Variants in STON1 observed in about 807,000 individuals in gnomAD.
STON1 encodes stonin-1.
In STON1, 79 loss-of-function variants were observed where a neutral mutation model predicts 60.9. The ratio of observed to expected loss-of-function variants is 1.30; its 90% CI spans 1.08 to 1.56. STON1 has a LOEUF of 1.56. Ranked by LOEUF, STON1 falls within the 40% of genes most tolerant of loss-of-function variation. The pLI is 0.00. For missense variants in STON1, 1,166 were observed against 858.9 expected, an observed-to-expected ratio of 1.36 and a Z score of -4.47; for synonymous variants, 363 against 306.9, an observed-to-expected ratio of 1.18 and a Z score of -1.91.
chr2:48,582,443 G>C lies in STON1; in HGVS notation c.1810G>C (p.Gly604Arg). The part of the protein sequence containing the change: ...KAKMNRRACL[G>R]SLQELESEPV... ...TAAAATGAACCGCCGAGCATGTCTGGGGAGTTTACAGGAACTTGAATCTGA... is the reference window on the plus strand; with the variant it reads ...TAAAATGAACCGCCGAGCATGTCTGCGGAGTTTACAGGAACTTGAATCTGA... The change falls in exon 2 of 4, where the codon GGG becomes CGG. Residue 604 changes from glycine to arginine, a missense_variant. By Grantham distance (125) the Gly-to-Arg change is moderately radical. Coordinates refer to ENST00000404752, the MANE Select transcript of STON1 (RefSeq NM_006873.4). The C allele has an allele frequency of 1.9e-6, 3 of 1,614,176 alleles. No homozygotes were observed. Among genetic ancestry groups the C allele is most frequent in the Non-Finnish European group, 2.5e-6 (3 of 1,180,026 alleles).
At chr2:48,546,726 C>G (rs1261698901) in intron 1 of STON1, among the ~76,000 whole-genome samples, 1 of 152,214 alleles carries the variant, frequency 6.6e-6, no homozygotes, top group African/African-American at 2.4e-5. Flanking sequence ...TGAATGAATG[C>G]ATGGAAGAAT....
At chr2:48,578,865 A>G (rs962801766) in intron 1 of STON1, among the ~76,000 whole-genome samples, 1 of 151,894 alleles carries the variant, frequency 6.6e-6, no homozygotes, top group Non-Finnish European at 1.5e-5. Flanking sequence ...TGCTGGGATT[A>G]TAGGCGTGAG....
intron 1 of STON1, among the ~76,000 whole-genome samples, chr2:48,537,946 A>G (rs1407602768): frequency 2.6e-5 from 4 of 151,212 alleles, no homozygotes; most frequent in African/African-American, 4.9e-5. Flanking sequence ...AATCATAAGT[A>G]TATGTCTTTC....
chr2:48,582,799 G>T (rs189387096), intron 2 of STON1, among the ~76,000 whole-genome samples: 45 of 152,308 alleles, frequency 3.0e-4, no homozygotes, highest in Non-Finnish European at 4.4e-4. Context: ...GAAATACCAT[G>T]CTAGGCTAGG....
chr2:48,558,646 C>G (rs1672483650), intron 1 of STON1, among the ~76,000 whole-genome samples: 1 of 152,222 alleles, frequency 6.6e-6, no homozygotes, highest in Middle Eastern at 3.4e-3. Context: ...CTGGCGTTAA[C>G]TGGCACATAA....
rs908277140 is a variant in STON1, at chr2:48,582,583, A to G, written c.1930+20A>G. 1 of 1,595,560 alleles carries G rather than the reference A, an allele frequency of 6.3e-7. No homozygotes were observed. Among genetic ancestry groups the G allele is most frequent in the African/African-American group, 1.3e-5 (1 of 74,202 alleles). ...ATTCAAGTAAATATTCAACACCCCA[A>G]GTTTATTTTCATGGGAAATAGCTTA... On this transcript the variant is annotated intron_variant, in intron 2 of 3. Transcript: ENST00000404752.
At chr2:48,579,749 A>G (rs1673761310) in intron 1 of STON1, among the ~76,000 whole-genome samples, 1 of 152,098 alleles carries the variant, frequency 6.6e-6, no homozygotes, top group Non-Finnish European at 1.5e-5. Flanking sequence ...ATAGTGTTCA[A>G]GTCTATTGTT....
chr2:48,591,719 A>G lies in STON1; in HGVS notation c.1997A>G (p.Asp666Gly). 6.8e-6 allele frequency: 11 copies of G among 1,614,140 alleles called. No individual in the cohort carries two copies. The highest frequency in any genetic ancestry group is 8.5e-6 in the Non-Finnish European group (10 of 1,180,018). ...GGATCAGACCAAGAAATTCCCTCTG[A>G]TTGGTATCCATTTGCTACTGTTCAG... The part of the protein sequence containing the change: ...ELGSDQEIPS[D>G]WYPFATVQFS... Residue 666 changes from aspartate (D) to glycine (G), a missense_variant, in exon 3 of 4, where the codon GAT (aspartate) becomes GGT (glycine). Physicochemically the swap from Asp to Gly is moderately conservative, Grantham distance 94. Transcript: ENST00000404752.
intron 1 of STON1, among the ~76,000 whole-genome samples, chr2:48,554,012 T>C (rs967117982): frequency 1.3e-5 from 2 of 152,108 alleles, no homozygotes; most frequent in Non-Finnish European, 2.9e-5. Context: ...CAAAGTCTGT[T>C]GGAGAGATGG....
intron 1 of STON1, among the ~76,000 whole-genome samples, chr2:48,551,550 G>A (rs1205586569): frequency 6.6e-6 from 1 of 152,220 alleles, no homozygotes; most frequent in Non-Finnish European, 1.5e-5. Context: ...GCCTGATTCT[G>A]GGGACGGGGC....
chr2:48,582,007 G>T lies in STON1; in HGVS notation c.1374G>T (p.Leu458Phe). ...VNGNLECFLT[L>F]NDLELPKRDE... ...GGAACCTGGAATGCTTTTTAACCTT[G>T]AATGACCTTGAGTTGCCGAAGCGAG... Residue 458 changes from leucine (L) to phenylalanine (F), a missense_variant, in exon 2 of 4, where the codon TTG becomes TTT. By Grantham distance (22) the Leu-to-Phe change is conservative. Transcript: ENST00000404752. 1 of 1,614,144 alleles carries T rather than the reference G, an allele frequency of 6.2e-7. No individual in the cohort carries two copies. The highest frequency in any genetic ancestry group is 1.1e-5 in the South Asian group (1 of 91,076).
At chr2:48,551,142 C>G (rs1226220798) in intron 1 of STON1, among the ~76,000 whole-genome samples, 1 of 152,102 alleles carries the variant, frequency 6.6e-6, no homozygotes, top group East Asian at 1.9e-4. Flanking sequence ...CTTCTTAAAC[C>G]TGGAATTAAC....
rs536327826 is a variant in STON1, at chr2:48,582,655, G to A, written c.1930+92G>A. On this transcript the variant is annotated intron_variant, in intron 2 of 3. Coordinates refer to ENST00000404752, the MANE Select transcript of STON1 (RefSeq NM_006873.4). ...GGGTTGAAACCAGGTAGAGACAGAT[G>A]GCAATTTGTCAGCTGAGGCTGTGCT... The A allele has an allele frequency of 3.7e-4, 558 of 1,503,932 alleles. 5 individuals carry two copies. In the South Asian group the frequency reaches 6.8e-3, roughly 18 times the overall value. 93.2% of individuals were successfully genotyped at this position (1,503,932 alleles called of 1,614,324 possible).
At chr2:48,554,841 G>T (rs1204352975) in intron 1 of STON1, among the ~76,000 whole-genome samples, 1 of 79,682 alleles carries the variant, frequency 1.3e-5, no homozygotes, top group African/African-American at 4.9e-5. Flanking sequence ...GTGAACAAAG[G>T]TCTCTGGTTT....
At chr2:48,564,480 T>TTCTTCTTCTTCCTTC (rs1558604783) in intron 1 of STON1, among the ~76,000 whole-genome samples, 2 of 32,480 alleles carry the variant, frequency 6.2e-5, no homozygotes, top group African/African-American at 2.3e-4. Context: ...CTTCTTCTTC[T>TTCTTCTTCTTCCTTC]TTCTTCTTCT....
At chr2:48,563,035 T>C (rs1672673740) in intron 1 of STON1, among the ~76,000 whole-genome samples, 1 of 151,816 alleles carries the variant, frequency 6.6e-6, no homozygotes, top group South Asian at 2.1e-4. Flanking sequence ...CTGAGGAGGG[T>C]TCCCAGAGGC....
At chr2:48,547,822 T>G (rs1292085255) in intron 1 of STON1, among the ~76,000 whole-genome samples, 2 of 152,238 alleles carry the variant, frequency 1.3e-5, no homozygotes. Flanking sequence ...GATAATGAGA[T>G]GAACTCACTT....
intron 1 of STON1, among the ~76,000 whole-genome samples, chr2:48,552,625 CAG>C (rs1393852121): frequency 1.2e-4 from 18 of 151,954 alleles, no homozygotes; most frequent in Middle Eastern, 3.4e-3. Flanking sequence ...AAAAATTTAG[CAG>C]GGTATGGTGG....
chr2:48,555,477 G>A (rs1325101754), intron 1 of STON1, among the ~76,000 whole-genome samples: 9 of 96,386 alleles, frequency 9.3e-5, no homozygotes, highest in African/African-American at 1.2e-4. Flanking sequence ...CCTCCCGGAC[G>A]GGGCGGCTGG....
Sources: gnomAD v4.1 joint callset for allele counts (sites outside exome capture counted in the v4.1 genomes callset) on GRCh38, gnomAD v4.1.1 for gene constraint, MANE v1.5 for transcripts, NCBI Gene and HGNC (gene_info 2026-07-23, HGNC 2026-07-21) for gene names.